Variants in PDIA4 observed in about 807,000 individuals in gnomAD.
The protein encoded by PDIA4 is protein disulfide isomerase family A member 4.
PDIA4 carries 33 observed loss-of-function variants against 62.1 expected under a neutral mutation model. The observed-to-expected ratio is 0.53, with a 90% CI of 0.40 to 0.71. PDIA4 has a LOEUF of 0.71. Among genes scored for constraint, PDIA4 ranks in the 30% least tolerant of loss-of-function variants. PDIA4 has a pLI of 0.00. For synonymous variants in PDIA4, 341 were observed against 324.1 expected, an observed-to-expected ratio of 1.05 and a Z score of -0.56; for missense variants, 804 against 813.6, an observed-to-expected ratio of 0.99 and a Z score of 0.14.
At chr7:149,028,047 C>G (rs898172829) in intron 1 of PDIA4, 12 of 635,508 alleles carry the variant, frequency 1.9e-5, no homozygotes, top group Non-Finnish European at 3.3e-5. Flanking sequence ...CAGCCCTCTC[C>G]CAGCCTCGGG....
rs750997403 is a variant in PDIA4, at chr7:149,005,167, C to T, written c.1496G>A (p.Arg499His). ...EPEEFDSDTLREFVTAFKKGK... is the reference protein window; with the variant it reads ...EPEEFDSDTLHEFVTAFKKGK... ...TTTTTTGAAAGCAGTGACAAACTCG[C>T]GGAGGGTGTCAGAGTCAAACTCCTC... The change falls in exon 9 of 10, where the codon CGC becomes CAC. Residue 499 changes from arginine (R) to histidine (H), a missense_variant. Physicochemically the swap from Arg to His is conservative, Grantham distance 29. Transcript: ENST00000652332. The T allele has an allele frequency of 8.7e-6, 14 of 1,613,718 alleles. No individual in the cohort carries two copies. Among genetic ancestry groups the T allele is most frequent in the East Asian group, 2.2e-5 (1 of 44,880 alleles).
At chr7:149,018,351 AC>A (rs1236150947) in intron 3 of PDIA4, among the ~76,000 whole-genome samples, 2 of 152,160 alleles carry the variant, frequency 1.3e-5, no homozygotes, top group African/African-American at 4.8e-5. Flanking sequence ...CCTCCAGATG[AC>A]TGACGCTTGC....
chr7:149,006,155 G>A (rs1421549511), intron 7 of PDIA4, 102 bp from the exon 8 acceptor site: 4 of 1,240,904 alleles, frequency 3.2e-6, no homozygotes, highest in South Asian at 1.6e-5. Flanking sequence ...CTTTGAAGGG[G>A]ATCAGTCTTA....
In PDIA4 at chr7:149,004,174, G is replaced by C; in HGVS notation, c.1558C>G (p.Pro520Ala). ...TTGACGGGTCCCTTGTTGTTCTTGG[G>C]CACTGGCTGGGATTTGATGACTGGC... ...LKPVIKSQPV[P>A]KNNKGPVKVV... is the part of the protein sequence containing the mutation. Residue 520 changes from proline to alanine, a missense_variant, in exon 10 of 10, where the codon CCC (proline) becomes GCC (alanine). Transcript: ENST00000652332. 1 of 1,613,630 alleles carries C rather than the reference G, an allele frequency of 6.2e-7. No homozygotes were observed. Among genetic ancestry groups the C allele is most frequent in the Non-Finnish European group, 8.5e-7 (1 of 1,179,756 alleles).
In PDIA4 at chr7:149,003,967, C is replaced by T. The variant is rs374110175; in HGVS notation, c.1765G>A (p.Asp589Asn). The T allele has an allele frequency of 4.9e-5, 79 of 1,613,218 alleles. No homozygotes were observed. The highest frequency in any genetic ancestry group is 4.7e-4 in the African/African-American group (35 of 75,044). Residue 589 changes from aspartate to asparagine, a missense_variant, in exon 10 of 10, where the codon GAC (aspartate) becomes AAC (asparagine). Asp to Asn is a conservative substitution (Grantham distance 23). Coordinates refer to ENST00000652332, the MANE Select transcript of PDIA4 (RefSeq NM_004911.5). ...VIAKMDATAN[D>N]VPSDRYKVEG... ...ACCTTATAGCGGTCGCTGGGGACGT[C>T]GTTGGCAGTGGCGTCCATCTTGGCG...
chr7:149,006,254 C>T (rs188704624), intron 7 of PDIA4: 3 of 519,812 alleles, frequency 5.8e-6, no homozygotes, highest in African/African-American at 4.0e-5. Flanking sequence ...CTCCAGTGAA[C>T]CGTAGGTGGC....
intron 2 of PDIA4, among the ~76,000 whole-genome samples, chr7:149,020,326 T>C (rs1296163971): frequency 1.3e-5 from 2 of 152,068 alleles, no homozygotes; most frequent in Admixed American, 1.3e-4. Flanking sequence ...CAAAAGTGAG[T>C]ATATCCTATT....
intron 1 of PDIA4, among the ~76,000 whole-genome samples, chr7:149,021,664 A>G (rs1244354883): frequency 3.3e-5 from 5 of 152,060 alleles, no homozygotes; most frequent in African/African-American, 7.2e-5. Flanking sequence ...TCATGGCTAA[A>G]TAATATTTGA....
Position 149,012,314 on chromosome 7 carries a change from T to C in PDIA4, c.661A>G (p.Lys221Glu). 6.2e-7 allele frequency: 1 copy of C among 1,613,956 alleles called. No homozygotes were observed. Among genetic ancestry groups the C allele is most frequent in the Non-Finnish European group, 8.5e-7 (1 of 1,180,018 alleles). The stretch of plus-strand genomic sequence containing the variant: ...GGAGGAGAACGCTTGCTGAGCTCCT[T>C]GGCGGCCTTCTCATACTCGGGGGCA... ...KLAPEYEKAA[K>E]ELSKRSPPIP... The change falls in exon 5 of 10, where the codon AAG becomes GAG. Residue 221 changes from lysine (K) to glutamate (E), a missense_variant. Transcript: ENST00000652332.
At chr7:149,006,285 C>T (rs1332125050) in intron 7 of PDIA4, 3 of 473,120 alleles carry the variant, frequency 6.3e-6, no homozygotes, top group Non-Finnish European at 1.1e-5. Flanking sequence ...AAGGCAAACA[C>T]CTTGGCCCTT....
At chr7:149,022,499 G>A (rs1489731538) in intron 1 of PDIA4, among the ~76,000 whole-genome samples, 3 of 152,174 alleles carry the variant, frequency 2.0e-5, no homozygotes, top group Non-Finnish European at 4.4e-5. Context: ...ACTGAACTGG[G>A]CACAGCAAGC....
At chr7:149,007,344 CCAAA>C (rs530568218) in intron 7 of PDIA4, among the ~76,000 whole-genome samples, 93 of 152,312 alleles carry the variant, frequency 6.1e-4, no homozygotes, top group African/African-American at 1.9e-3. Flanking sequence ...AGCCCACAGC[CCAAA>C]CAGCCAGGGT....
chr7:149,004,354 T>C, intron 9 of PDIA4, 145 bp from the exon 10 acceptor site: 6 of 747,888 alleles, frequency 8.0e-6, no homozygotes, highest in Middle Eastern at 4.0e-4. Flanking sequence ...TAGAAAGTAG[T>C]AGCTGCTACT....
At chr7:149,011,398 T>TAC (rs1019825906) in intron 6 of PDIA4, among the ~76,000 whole-genome samples, 1 of 152,222 alleles carries the variant, frequency 6.6e-6, no homozygotes, top group African/African-American at 2.4e-5. Flanking sequence ...CATTATCAAG[T>TAC]ACATTGCTAA....
rs745880804 is a variant in PDIA4 at position 149,014,937 on chromosome 7, G to C, written c.581C>G (p.Ala194Gly). Residue 194 changes from alanine (A) to glycine (G), a missense_variant, in exon 4 of 10, where the codon GCA becomes GGA. By Grantham distance (60) the Ala-to-Gly change is moderately conservative. Coordinates refer to ENST00000652332, the MANE Select transcript of PDIA4 (RefSeq NM_004911.5). ...KENFDEVVND[A>G]DIILVEFYAP... is the part of the protein sequence containing the mutation. ...ATAAAACTCCACCAGAATGATATCT[G>C]CATCATTCACAACTTCATCAAAGTT... The C allele has an allele frequency of 2.2e-5, 35 of 1,613,560 alleles. No homozygotes were observed. The highest frequency in any genetic ancestry group is 3.0e-5 in the Non-Finnish European group (35 of 1,179,570).
chr7:149,027,892 T>C, intron 1 of PDIA4: 1 of 480,516 alleles, frequency 2.1e-6, no homozygotes, highest in Non-Finnish European at 4.3e-6. Flanking sequence ...GAACTCGCAC[T>C]TGTTTCTTCA....
chr7:149,008,090 G>A, intron 7 of PDIA4, 69 bp downstream of exon 7: 1 of 1,450,314 alleles, frequency 6.9e-7, no homozygotes, highest in Non-Finnish European at 9.4e-7. Context: ...AAACCTCAGA[G>A]GTGGCTCAAA....
At chr7:149,010,618 G>A (rs1823911838) in intron 6 of PDIA4, among the ~76,000 whole-genome samples, 1 of 152,122 alleles carries the variant, frequency 6.6e-6, no homozygotes, top group African/African-American at 2.4e-5. Flanking sequence ...TTCACCTCCT[G>A]CCCACCCCAG....
chr7:149,021,499 A>G (rs2129505501), intron 1 of PDIA4, among the ~76,000 whole-genome samples: 1 of 151,698 alleles, frequency 6.6e-6, no homozygotes, highest in East Asian at 1.9e-4. Flanking sequence ...AAAAAAAAAA[A>G]AAAAAAAAAA....
Sources: gnomAD v4.1 joint callset for allele counts (sites outside exome capture counted in the v4.1 genomes callset) on GRCh38, gnomAD v4.1.1 for gene constraint, MANE v1.5 for transcripts, NCBI Gene and HGNC (gene_info 2026-07-23, HGNC 2026-07-21) for gene names.